The following UBTD2 variants were observed in gnomAD, a reference collection of about 807,000 sequenced individuals.
UBTD2 encodes the protein ubiquitin domain containing 2.
UBTD2 carries 9 observed loss-of-function variants against 19.8 expected under a neutral mutation model. That is an observed-to-expected ratio of 0.46 (90% CI 0.27 to 0.79). UBTD2 has a LOEUF of 0.79. Ranked by LOEUF, UBTD2 falls within the 30% of genes least tolerant of loss-of-function variation. The pLI is 0.14. For missense variants in UBTD2, 250 were observed against 300.4 expected (o/e 0.83, Z 1.24); for synonymous variants, 98 against 103.9 (o/e 0.94, Z 0.35).
At chr5:172,280,277 T>C (rs4133474) in intron 1 of UBTD2, among the ~76,000 whole-genome samples, 146,729 of 151,588 alleles carry the variant, frequency 0.97, 71,024 homozygotes, top group East Asian at 1. Flanking sequence ...GAAGCACAGG[T>C]GGGCGGATTA....
chr5:172,213,872 C>T (rs959098285), intron 2 of UBTD2, among the ~76,000 whole-genome samples: 2 of 152,160 alleles, frequency 1.3e-5, no homozygotes, highest in Non-Finnish European at 2.9e-5. Flanking sequence ...CCACAACCTC[C>T]GCCTCCTGGG....
At position 172,234,337 on chromosome 5, in the gene UBTD2, G is replaced by T; in HGVS notation, c.92C>A (p.Pro31His). ...GTGVALGRNQ[P>H]LKKEKPKWKS... ...CCATTTTGGTTTCTCCTTTTTCAAA[G>T]GCTGGTTACGACCTAGAGCAACTGA... Residue 31 changes from proline (P) to histidine (H), a missense_variant, in exon 2 of 3, where the codon CCT becomes CAT. By Grantham distance (77) the Pro-to-His change is moderately conservative. Transcript: ENST00000393792. 1 of 1,614,088 alleles carries T rather than the reference G, an allele frequency of 6.2e-7. No homozygotes were observed. The highest frequency in any genetic ancestry group is 8.5e-7 in the Non-Finnish European group (1 of 1,180,014).
At chr5:172,227,496 C>A (rs1186204424) in intron 2 of UBTD2, among the ~76,000 whole-genome samples, 3 of 151,256 alleles carry the variant, frequency 2.0e-5, no homozygotes, top group Non-Finnish European at 4.4e-5. Context: ...GCCTTCATTC[C>A]TAAGCTTTAT....
intron 1 of UBTD2, among the ~76,000 whole-genome samples, chr5:172,256,610 AT>A (rs918887817): frequency 2.2e-5 from 3 of 137,846 alleles, no homozygotes; most frequent in Non-Finnish European, 3.2e-5. Context: ...TATTTTTCTG[AT>A]TTTTTTTCAC....
chr5:172,255,397 G>A (rs568261679), intron 1 of UBTD2: 2 of 496,326 alleles, frequency 4.0e-6, no homozygotes, highest in Non-Finnish European at 8.1e-6. Context: ...AGGGTCCACG[G>A]GCCTCTTGCT....
At position 172,248,239 on chromosome 5, in the gene UBTD2, T is replaced by C. The variant is rs11950554; in HGVS notation, c.71-13881A>G. Among the ~76,000 whole-genome samples, 665 of 152,248 alleles carry C rather than the reference T, an allele frequency of 4.4e-3. 4 individuals are homozygous for C. The highest frequency in any genetic ancestry group is 0.015 in the African/African-American group (642 of 41,550). On this transcript the variant is annotated intron_variant, in intron 1 of 2. Coordinates refer to ENST00000393792, the MANE Select transcript of UBTD2 (RefSeq NM_152277.3). Reference sequence around the variant, plus strand: ...GAAAGATCTCAATGAATAACCTAACTTCATGCCTCAAGGAACCAAAAAAGA... The same window carrying C: ...GAAAGATCTCAATGAATAACCTAACCTCATGCCTCAAGGAACCAAAAAAGA...
chr5:172,257,877 G>A (rs1315163896), intron 1 of UBTD2, among the ~76,000 whole-genome samples: 1 of 152,070 alleles, frequency 6.6e-6, no homozygotes, highest in Admixed American at 6.6e-5. Context: ...CTTTTTGTCT[G>A]TTAAGTTTCT....
chr5:172,259,763 C>T (rs1179312429), intron 1 of UBTD2, among the ~76,000 whole-genome samples: 2 of 151,974 alleles, frequency 1.3e-5, no homozygotes, highest in African/African-American at 4.8e-5. Flanking sequence ...ACTGTATCAA[C>T]AGTAAATGGG....
At chr5:172,237,409 T>C (rs1012574812) in intron 1 of UBTD2, among the ~76,000 whole-genome samples, 2 of 152,190 alleles carry the variant, frequency 1.3e-5, no homozygotes, top group Non-Finnish European at 2.9e-5. Flanking sequence ...CATTTTCAAA[T>C]CTACATGCTG....
chr5:172,214,741 A>G (rs1250108094), intron 2 of UBTD2, among the ~76,000 whole-genome samples: 1 of 152,216 alleles, frequency 6.6e-6, no homozygotes, highest in Non-Finnish European at 1.5e-5. Flanking sequence ...TTTTTATTTA[A>G]TATGGAATTT....
chr5:172,242,051 T>A (rs1024796184), intron 1 of UBTD2, among the ~76,000 whole-genome samples: 2 of 152,178 alleles, frequency 1.3e-5, no homozygotes, highest in African/African-American at 4.8e-5. Context: ...GATCTGGTTG[T>A]TTAAAAGAAT....
At chr5:172,257,844 C>T (rs1485464098) in intron 1 of UBTD2, among the ~76,000 whole-genome samples, 1 of 152,118 alleles carries the variant, frequency 6.6e-6, no homozygotes, top group Non-Finnish European at 1.5e-5. Context: ...TGTCCTTTGC[C>T]CATTTTTTAA....
intron 1 of UBTD2, among the ~76,000 whole-genome samples, chr5:172,243,554 CTTTTTTT>C (rs58327908): frequency 3.0e-5 from 3 of 101,100 alleles, no homozygotes; most frequent in East Asian, 3.4e-4. Context: ...TGTGAGAAAC[CTTTTTTT>C]TTTTTTTTTT....
At position 172,222,399 on chromosome 5, in the gene UBTD2, C is replaced by G. The variant is rs141546695; in HGVS notation, c.308-10172G>C. On this transcript the variant is annotated intron_variant, in intron 2 of 2. Transcript: ENST00000393792. ...CACTGCATAGACATTTACTGATCATCTTGAAGTGAGTAGGGCATGTCACTG... is the reference window on the plus strand; with the variant it reads ...CACTGCATAGACATTTACTGATCATGTTGAAGTGAGTAGGGCATGTCACTG... Among the ~76,000 whole-genome samples, 1,432 of 152,264 alleles carry G rather than the reference C, an allele frequency of 9.4e-3. 16 individuals carry two copies. The highest frequency in any genetic ancestry group is 0.014 in the Non-Finnish European group (958 of 68,020).
chr5:172,258,346 A>G (rs142437666), intron 1 of UBTD2, among the ~76,000 whole-genome samples: 82 of 152,102 alleles, frequency 5.4e-4, no homozygotes, highest in African/African-American at 1.8e-3. Context: ...CCATTGTTCT[A>G]TGTGTCTGTT....
In UBTD2 at chr5:172,210,804, G is replaced by A. The variant is rs1771427941; in HGVS notation, c.*1026C>T. ...AATAGGCACAGTTCTCCCAGGCACAGATAAAATAGGCTTTCCTTACACCCC... is the reference window on the plus strand; with the variant it reads ...AATAGGCACAGTTCTCCCAGGCACAAATAAAATAGGCTTTCCTTACACCCC... On this transcript the variant is annotated 3_prime_UTR_variant, in exon 3 of 3. Coordinates refer to ENST00000393792, the MANE Select transcript of UBTD2 (RefSeq NM_152277.3). The A allele has an allele frequency of 6.6e-6, 1 of 152,250 alleles. No individual in the cohort carries two copies. The highest frequency in any genetic ancestry group is 1.9e-4 in the East Asian group (1 of 5,182). 9.4% of individuals were successfully genotyped at this position (152,250 alleles called of 1,614,324 possible).
At chr5:172,234,779 G>A (rs768948561) in intron 1 of UBTD2, among the ~76,000 whole-genome samples, 1 of 152,150 alleles carries the variant, frequency 6.6e-6, no homozygotes, top group Admixed American at 6.5e-5. Flanking sequence ...ATGTTGGCAT[G>A]TGCCTGTGGT....
intron 2 of UBTD2, among the ~76,000 whole-genome samples, chr5:172,213,506 G>C (rs1771487639): frequency 1.3e-5 from 2 of 152,054 alleles, no homozygotes; most frequent in African/African-American, 4.8e-5. Context: ...AAAAACAAAA[G>C]GGCTATGACA....
At chr5:172,227,036 A>G (rs1771780724) in intron 2 of UBTD2, among the ~76,000 whole-genome samples, 1 of 152,202 alleles carries the variant, frequency 6.6e-6, no homozygotes, top group East Asian at 1.9e-4. Flanking sequence ...TCTAAAAGGG[A>G]TAACGGAGCA....
Sources: gnomAD v4.1 joint callset for allele counts (sites outside exome capture counted in the v4.1 genomes callset) on GRCh38, gnomAD v4.1.1 for gene constraint, MANE v1.5 for transcripts, NCBI Gene and HGNC (gene_info 2026-07-23, HGNC 2026-07-21) for gene names.